The following IGSF3 variants were observed in gnomAD, a reference collection of about 807,000 sequenced individuals.
IGSF3 encodes immunoglobulin superfamily member 3.
Under a neutral mutation model 114.4 loss-of-function variants are expected in IGSF3, and 23 were observed. That is an observed-to-expected ratio of 0.20 (90% CI 0.14 to 0.28). The LOEUF is 0.28. Among genes scored for constraint, IGSF3 ranks in the 10% least tolerant of loss-of-function variants. The probability of loss-of-function intolerance (pLI) is 1.00; values close to 1 mark genes in which losing one functional copy is unlikely to be tolerated. For synonymous variants in IGSF3, 571 were observed against 645.2 expected (o/e 0.88, Z 1.74); for missense variants, 1,172 against 1,591.5 (o/e 0.74, Z 4.48).
At chr1:116,590,112 G>C (rs1660039687) in intron 7 of IGSF3, among the ~76,000 whole-genome samples, 1 of 152,080 alleles carries the variant, frequency 6.6e-6, no homozygotes, top group Admixed American at 6.5e-5. Flanking sequence ...AGGCTGAGAA[G>C]ACAGTAAACC....
chr1:116,633,941 T>C lies in IGSF3; in HGVS notation c.44-17484A>G, dbSNP rs1007474592. Reference sequence around the variant, plus strand: ...GTGAGTAGATGGGTCTGGAGAGGGCTGTTCATGCTATGGAAGGGCCTCTAT... The same window carrying C: ...GTGAGTAGATGGGTCTGGAGAGGGCCGTTCATGCTATGGAAGGGCCTCTAT... On this transcript the variant is annotated intron_variant, in intron 2 of 10. Transcript: ENST00000369486. This position sits in a 1 kb window ranked among gnomAD's most constrained non-coding sequence, Gnocchi z 4.3. Among the ~76,000 whole-genome samples the C allele has an allele frequency of 1.1e-4, 17 of 152,360 alleles. No individual in the cohort carries two copies. The highest frequency in any genetic ancestry group is 8.5e-4 in the Admixed American group (13 of 15,308).
At chr1:116,586,437 G>A (rs1659847750) in intron 8 of IGSF3, among the ~76,000 whole-genome samples, 1 of 151,932 alleles carries the variant, frequency 6.6e-6, no homozygotes, top group Admixed American at 6.6e-5. Context: ...GTAAGTGTAG[G>A]CTTTCTCAGC....
At position 116,582,638 on chromosome 1, in the gene IGSF3, A is replaced by T. The variant is rs1659651477; in HGVS notation, c.2848+2007T>A. Among the ~76,000 whole-genome samples, 1 of 152,240 alleles carries T rather than the reference A, an allele frequency of 6.6e-6. No homozygotes were observed. Among genetic ancestry groups the T allele is most frequent in the South Asian group, 2.1e-4 (1 of 4,836 alleles). On this transcript the variant is annotated intron_variant, in intron 9 of 10. Transcript: ENST00000369486. The surrounding 1 kb of genome is among the most constrained non-coding windows in gnomAD (Gnocchi z 4.7). ...TACGTCTGCACAATGAATGTTATGA[A>T]ACCAGTAAAAATGGTGGCTATGAAA...
At chr1:116,620,024 C>T (rs1173825495) in intron 2 of IGSF3, among the ~76,000 whole-genome samples, 2 of 151,846 alleles carry the variant, frequency 1.3e-5, no homozygotes, top group Non-Finnish European at 2.9e-5. Context: ...AAAATTTTAG[C>T]CAAAAATAAA....
chr1:116,586,389 T>G (rs372148045), intron 8 of IGSF3, among the ~76,000 whole-genome samples: 28 of 151,550 alleles, frequency 1.8e-4, no homozygotes, highest in East Asian at 9.7e-4. Flanking sequence ...GGGGGGATTT[T>G]TGTGTGTGTG....
rs1649350428 is a variant in IGSF3, at chr1:116,666,772, G to A, written c.-446C>T. ...CCCCAGAGAGAACAGGGCAGGTTTCGTCAAAACCTTTGACGGCCAAATCAC... is the reference window on the plus strand; with the variant it reads ...CCCCAGAGAGAACAGGGCAGGTTTCATCAAAACCTTTGACGGCCAAATCAC... On this transcript the variant is annotated 5_prime_UTR_variant, in exon 2 of 11. The change creates a new upstream start codon in the 5' untranslated region. Coordinates refer to ENST00000369486, the MANE Select transcript of IGSF3 (RefSeq NM_001007237.3). 4.8e-6 allele frequency: 2 copies of A among 415,256 alleles called. No homozygotes were observed. The highest frequency in any genetic ancestry group is 3.5e-5 in the East Asian group (1 of 28,532). 25.7% of individuals were successfully genotyped at this position (415,256 alleles called of 1,614,324 possible).
chr1:116,604,027 T>C lies in IGSF3; in HGVS notation c.1223-2A>G, dbSNP rs755919385. ...CCACCTCCACGGAGATGCTGCTCTCTAGGAAGAGGGAGAGAGAAACACCCT... is the reference window on the plus strand; with the variant it reads ...CCACCTCCACGGAGATGCTGCTCTCCAGGAAGAGGGAGAGAGAAACACCCT... On this transcript the variant is annotated splice_acceptor_variant, in intron 5 of 10. Transcript: ENST00000369486. LOFTEE classifies it high-confidence loss of function. 6.3e-7 allele frequency: 1 copy of C among 1,595,912 alleles called. No individual in the cohort carries two copies. Among genetic ancestry groups the C allele is most frequent in the Non-Finnish European group, 8.5e-7 (1 of 1,173,824 alleles).
chr1:116,625,134 A>G lies in IGSF3; in HGVS notation c.44-8677T>C, dbSNP rs902397068. ...AACATATGCTATGGCTTCAATCAAC[A>G]TTTTTTTCAGTACCTATTATGATGG... On this transcript the variant is annotated intron_variant, in intron 2 of 10. Coordinates refer to ENST00000369486, the MANE Select transcript of IGSF3 (RefSeq NM_001007237.3). The surrounding 1 kb of genome is among the most constrained non-coding windows in gnomAD (Gnocchi z 4.7). 2.6e-5 allele frequency among the ~76,000 whole-genome samples: 4 copies of G among 152,230 alleles called. No homozygotes were observed. Among genetic ancestry groups the G allele is most frequent in the Admixed American group, 2.6e-4 (4 of 15,284 alleles).
At chr1:116,646,374 A>G (rs1052327960) in intron 2 of IGSF3, among the ~76,000 whole-genome samples, 1 of 152,182 alleles carries the variant, frequency 6.6e-6, no homozygotes, top group Non-Finnish European at 1.5e-5. Flanking sequence ...ATGGATTCAG[A>G]AGACTTCCAG....
intron 6 of IGSF3, among the ~76,000 whole-genome samples, chr1:116,601,229 G>C (rs1316153483): frequency 1.3e-5 from 2 of 152,226 alleles, no homozygotes; most frequent in Non-Finnish European, 1.5e-5. Flanking sequence ...GATGCAGAGA[G>C]AGGTTAGATA....
Position 116,596,294 on chromosome 1 carries a change from A to G in IGSF3, c.2029+3647T>C, listed in dbSNP as rs1660338924. Among the ~76,000 whole-genome samples, 1 of 152,196 alleles carries G rather than the reference A, an allele frequency of 6.6e-6. No individual in the cohort carries two copies. Among genetic ancestry groups the G allele is most frequent in the Non-Finnish European group, 1.5e-5 (1 of 68,034 alleles). The stretch of plus-strand genomic sequence containing the variant: ...TGATGGAATAAGAATATTTAACACA[A>G]TATTCTTTAAAACGGGGGTAGCAGG... On this transcript the variant is annotated intron_variant, in intron 7 of 10. Coordinates refer to ENST00000369486, the MANE Select transcript of IGSF3 (RefSeq NM_001007237.3). This position sits in a 1 kb window ranked among gnomAD's most constrained non-coding sequence, Gnocchi z 4.1.
At position 116,608,189 on chromosome 1, in the gene IGSF3, G is replaced by T; in HGVS notation, c.975C>A (p.Ile325=). The change falls in exon 5 of 11, where the codon ATC becomes ATA. Residue 325 remains isoleucine (I), a synonymous_variant. Coordinates refer to ENST00000369486, the MANE Select transcript of IGSF3 (RefSeq NM_001007237.3). ...GCACAGCGTTAGGACCCATGGTGGC[G>T]ATGAGCGAGCTGTTGAAGGCCCAGG... is the stretch of plus-strand genomic sequence containing the variant. ...AVSWAFNSSL[I]ATMGPNAVPV... is the part of the protein sequence containing the mutation. The T allele has an allele frequency of 6.2e-7, 1 of 1,611,450 alleles. No homozygotes were observed. The highest frequency in any genetic ancestry group is 8.5e-7 in the Non-Finnish European group (1 of 1,177,844).
In IGSF3 at chr1:116,589,744, C is replaced by T. The variant is rs888435717; in HGVS notation, c.2030-640G>A. Among the ~76,000 whole-genome samples the T allele has an allele frequency of 2.0e-5, 3 of 152,172 alleles. No individual in the cohort carries two copies. Among genetic ancestry groups the T allele is most frequent in the Admixed American group, 6.5e-5 (1 of 15,278 alleles). ...GGGCTGTGTGTCCTCACATCTCTCTCCCATATCCTAGATGGTGAGCTCCCC... is the reference window on the plus strand; with the variant it reads ...GGGCTGTGTGTCCTCACATCTCTCTTCCATATCCTAGATGGTGAGCTCCCC... On this transcript the variant is annotated intron_variant, in intron 7 of 10. Coordinates refer to ENST00000369486, the MANE Select transcript of IGSF3 (RefSeq NM_001007237.3). The surrounding 1 kb of genome is among the most constrained non-coding windows in gnomAD (Gnocchi z 5.7).
rs1289911409 is a variant in IGSF3 at position 116,594,318 on chromosome 1, T to C, written c.2030-5214A>G. On this transcript the variant is annotated intron_variant, in intron 7 of 10. Transcript: ENST00000369486. This position sits in a 1 kb window ranked among gnomAD's most constrained non-coding sequence, Gnocchi z 5.2. The stretch of plus-strand genomic sequence containing the variant: ...TTTCTTTATCCCACAACTAGGACAA[T>C]ATAGCAAATTTTAAAGATATGATTA... Among the ~76,000 whole-genome samples, 1 of 152,194 alleles carries C rather than the reference T, an allele frequency of 6.6e-6. No individual in the cohort carries two copies. The highest frequency in any genetic ancestry group is 1.5e-5 in the Non-Finnish European group (1 of 68,034).
intron 2 of IGSF3, among the ~76,000 whole-genome samples, chr1:116,639,912 T>G (rs1010554496): frequency 6.6e-6 from 1 of 151,756 alleles, no homozygotes; most frequent in African/African-American, 2.4e-5. Context: ...CAGGCACCTG[T>G]AACCCCAGCT....
chr1:116,600,690 T>C lies in IGSF3; in HGVS notation c.1625-345A>G, dbSNP rs146761825. On this transcript the variant is annotated intron_variant, in intron 6 of 10. Transcript: ENST00000369486. This position sits in a 1 kb window ranked among gnomAD's most constrained non-coding sequence, Gnocchi z 5.5. The stretch of plus-strand genomic sequence containing the variant: ...GGGTTGCTCCTAGAAATCTTGAGAT[T>C]CCATGAGAGAACAGGAAAAGAAAAC... Among the ~76,000 whole-genome samples, 1,482 of 152,232 alleles carry C rather than the reference T, an allele frequency of 9.7e-3. 16 individuals carry two copies. The highest frequency in any genetic ancestry group is 0.033 in the African/African-American group (1,371 of 41,532).
chr1:116,615,938 T>C lies in IGSF3; in HGVS notation c.421+142A>G, dbSNP rs969168532. The C allele has an allele frequency of 3.3e-6, 2 of 605,814 alleles. No individual in the cohort carries two copies. The highest frequency in any genetic ancestry group is 5.9e-6 in the Non-Finnish European group (2 of 339,592). The allele number at this position is 605,814 out of a possible 1,614,324, so 37.5% of individuals were successfully genotyped here. On this transcript the variant is annotated intron_variant, in intron 3 of 10. Transcript: ENST00000369486. The surrounding 1 kb of genome is among the most constrained non-coding windows in gnomAD (Gnocchi z 4.3). Reference sequence around the variant, plus strand: ...AAGTGAACACAGAAATTTAGTTTCCTTGTGCTATCTGTTGACCCCTAAAAT... The same window carrying C: ...AAGTGAACACAGAAATTTAGTTTCCCTGTGCTATCTGTTGACCCCTAAAAT...
intron 2 of IGSF3, among the ~76,000 whole-genome samples, chr1:116,646,648 C>T (rs1648387347): frequency 6.6e-6 from 1 of 152,142 alleles, no homozygotes; most frequent in African/African-American, 2.4e-5. Flanking sequence ...GTAGAGAGAG[C>T]TACACTGAGA....
In IGSF3 at chr1:116,616,055, C is replaced by T; in HGVS notation, c.421+25G>A. ...AGAACTGAGTCAGGCCAGACGCTGG[C>T]AACGTGAAGACAGCTTCTCCTTACC... is the stretch of plus-strand genomic sequence containing the variant. On this transcript the variant is annotated intron_variant, in intron 3 of 10. Transcript: ENST00000369486. The surrounding 1 kb of genome is among the most constrained non-coding windows in gnomAD (Gnocchi z 6.6). The T allele has an allele frequency of 1.9e-6, 3 of 1,574,626 alleles. No homozygotes were observed. The highest frequency in any genetic ancestry group is 1.1e-5 in the South Asian group (1 of 87,988).
Sources: allele counts gnomAD v4.1 joint callset (sites outside exome capture counted in the v4.1 genomes callset), GRCh38; gene constraint gnomAD v4.1.1; non-coding constraint Gnocchi (gnomAD v3.1); transcripts MANE v1.5; gene names NCBI Gene and HGNC (gene_info 2026-07-23, HGNC 2026-07-21).